TRMT6: variants seen among roughly 807,000 people sequenced by gnomAD.
The protein encoded by TRMT6 is tRNA methyltransferase 6 non-catalytic subunit, also known as tRNA (adenine(58)-N(1))-methyltransferase non-catalytic subunit TRM6.
A neutral mutation model predicts 59.0 loss-of-function variants in TRMT6; 34 were observed. That is an observed-to-expected ratio of 0.58 (90% confidence interval 0.44 to 0.77). TRMT6 has a LOEUF of 0.77. TRMT6 is among the 30% of genes least tolerant of loss of function. TRMT6 has a pLI of 0.00. For synonymous variants in TRMT6, 217 were observed against 210.5 expected (o/e 1.03, Z -0.27); for missense variants, 575 against 604.5 (o/e 0.95, Z 0.51).
In TRMT6 at chr20:5,942,670, C is replaced by T; in HGVS notation, c.784G>A (p.Val262Met). 6.2e-7 allele frequency: 1 copy of T among 1,614,056 alleles called. No homozygotes were observed. Among genetic ancestry groups the T allele is most frequent in the East Asian group, 2.2e-5 (1 of 44,872 alleles). ...SGLYEFPLNKVDSLLHGTFSA... is the reference protein window; with the variant it reads ...SGLYEFPLNKMDSLLHGTFSA... ...AATGTTCCATGTAGAAGACTGTCCACTTTGTTGAGAGGGAATTCATAAAGA... is the reference window on the plus strand; with the variant it reads ...AATGTTCCATGTAGAAGACTGTCCATTTTGTTGAGAGGGAATTCATAAAGA... The change falls in exon 7 of 11, where the codon GTG becomes ATG. Residue 262 changes from valine to methionine, a missense_variant. Transcript: ENST00000203001.
At chr20:5,945,261 T>C (rs1357304384) in intron 2 of TRMT6, among the ~76,000 whole-genome samples, 1 of 152,266 alleles carries the variant, frequency 6.6e-6, no homozygotes, top group Non-Finnish European at 1.5e-5. Context: ...GGCCCCTGCC[T>C]ATCATTCCTG....
At chr20:5,938,773 T>C (rs2088630575) in intron 10 of TRMT6, 47 bp from the exon 11 acceptor site, 1 of 1,558,596 alleles carries the variant, frequency 6.4e-7, no homozygotes, top group Non-Finnish European at 8.8e-7. Flanking sequence ...GACAATAAAG[T>C]CCATGCTAAC....
At position 5,950,519 on chromosome 20, in the gene TRMT6, GC is replaced by G; in HGVS notation, c.-115del. 3 of 1,218,242 alleles carry G rather than the reference GC, an allele frequency of 2.5e-6. No homozygotes were observed. The highest frequency in any genetic ancestry group is 2.9e-5 in the East Asian group (1 of 34,284). The allele number at this position is 1,218,242 out of a possible 1,614,324, so 75.5% of individuals were successfully genotyped here. On this transcript the variant is annotated 5_prime_UTR_variant, in exon 1 of 11. Transcript: ENST00000203001. ...CACTAGGAGCCCTCCGACCGGCACCGCCCCCACGTGTTGCACGCCGCTTCCG... is the reference window on the plus strand; with the variant it reads ...CACTAGGAGCCCTCCGACCGGCACCGCCCCACGTGTTGCACGCCGCTTCCG...
chr20:5,950,415 C>A lies in TRMT6; in HGVS notation c.-10G>T. ...CCCCTGAGCCCTCCATGACGCTCAG[C>A]CGGTCGCCGTGCTCCACGGCGTCCC... On this transcript the variant is annotated 5_prime_UTR_variant, in exon 1 of 11. Coordinates refer to ENST00000203001, the MANE Select transcript of TRMT6 (RefSeq NM_015939.5). 1 of 1,573,744 alleles carries A rather than the reference C, an allele frequency of 6.4e-7. No homozygotes were observed. Among genetic ancestry groups the A allele is most frequent in the Non-Finnish European group, 8.6e-7 (1 of 1,163,524 alleles).
rs1450579472 is a variant in TRMT6, at chr20:5,944,867, T to G, written c.304A>C (p.Lys102Gln). The change falls in exon 3 of 11, where the codon AAA (lysine) becomes CAA (glutamine). Residue 102 changes from lysine (K) to glutamine (Q), a missense_variant. Physicochemically the swap from Lys to Gln is moderately conservative, Grantham distance 53. Coordinates refer to ENST00000203001, the MANE Select transcript of TRMT6 (RefSeq NM_015939.5). Reference protein sequence around the residue: ...TDNRNIVDDGKSQKLTQDDIK... With the variant: ...TDNRNIVDDGQSQKLTQDDIK... ...TCATCTTGAGTAAGTTTCTGAGATTTCCCATCATCAACTATATTTCGATTA... is the reference window on the plus strand; with the variant it reads ...TCATCTTGAGTAAGTTTCTGAGATTGCCCATCATCAACTATATTTCGATTA... 1.2e-6 allele frequency: 2 copies of G among 1,614,020 alleles called. No homozygotes were observed. The highest frequency in any genetic ancestry group is 2.7e-5 in the African/African-American group (2 of 74,932).
intron 2 of TRMT6, 21 bp downstream of exon 2, chr20:5,946,385 T>C (rs1304726957): frequency 6.2e-7 from 1 of 1,614,004 alleles, no homozygotes; most frequent in East Asian, 2.2e-5. Context: ...AGCATCTATT[T>C]CACGCATCCA....
At position 5,942,539 on chromosome 20, in the gene TRMT6, G is replaced by A. The variant is rs1407290330; in HGVS notation, c.915C>T (p.Ser305=). 1.2e-6 allele frequency: 2 copies of A among 1,614,078 alleles called. No individual in the cohort carries two copies. The highest frequency in any genetic ancestry group is 1.7e-5 in the Admixed American group (1 of 60,022). ...GGTTGCTCTCTGGGGCCTCTGCCAT[G>A]CTGTCTTCATTCTCTTGTTCAGAAG... ...KQASEQENED[S]MAEAPESNHP... Residue 305 remains serine (S), a synonymous_variant, in exon 7 of 11, where the codon AGC becomes AGT. Coordinates refer to ENST00000203001, the MANE Select transcript of TRMT6 (RefSeq NM_015939.5).
In TRMT6 at chr20:5,941,060, T is replaced by C. The variant is rs758793508; in HGVS notation, c.1295A>G (p.Asn432Ser). 1 of 1,613,998 alleles carries C rather than the reference T, an allele frequency of 6.2e-7. No individual in the cohort carries two copies. The highest frequency in any genetic ancestry group is 1.1e-5 in the South Asian group (1 of 91,082). Residue 432 changes from asparagine to serine, a missense_variant, in exon 10 of 11, where the codon AAT becomes AGT. Transcript: ENST00000203001. The stretch of plus-strand genomic sequence containing the variant: ...GGCTGTAAGAACACGTACCTGATAA[T>C]TTCTGAGCCAGGTTTCAGACAGCCT... ...NLRLSETWLR[N>S]YQVLPDRSHP...
chr20:5,940,661 C>G (rs530485549), intron 10 of TRMT6, among the ~76,000 whole-genome samples: 25 of 152,272 alleles, frequency 1.6e-4, no homozygotes, highest in African/African-American at 6.0e-4. Flanking sequence ...CTCTGTCACC[C>G]AGGCTGGAGT....
chr20:5,942,171 GA>G (rs1458873340), intron 7 of TRMT6, 135 bp from the exon 8 acceptor site: 38 of 850,868 alleles, frequency 4.5e-5, no homozygotes, highest in Non-Finnish European at 6.5e-5. Flanking sequence ...TGTTTATAAG[GA>G]AGTTGCAAAT....
At chr20:5,947,766 C>T (rs955746721) in intron 1 of TRMT6, among the ~76,000 whole-genome samples, 1 of 152,126 alleles carries the variant, frequency 6.6e-6, no homozygotes, top group African/African-American at 2.4e-5. Flanking sequence ...CTTTGAAACA[C>T]TGGATCTGGC....
chr20:5,943,746 T>G, intron 5 of TRMT6, 63 bp from the exon 6 acceptor site: 1 of 1,566,500 alleles, frequency 6.4e-7, no homozygotes, highest in Non-Finnish European at 8.6e-7. Context: ...TTAATCATCA[T>G]TTTTCAAGTT....
chr20:5,948,090 A>T (rs1469074459), intron 1 of TRMT6, among the ~76,000 whole-genome samples: 2 of 152,170 alleles, frequency 1.3e-5, no homozygotes, highest in African/African-American at 4.8e-5. Context: ...ACTACACTCT[A>T]GCCTGGGGGA....
chr20:5,938,774 C>A, intron 10 of TRMT6, 48 bp from the exon 11 acceptor site: 2 of 1,549,514 alleles, frequency 1.3e-6, no homozygotes, highest in Non-Finnish European at 1.8e-6. Flanking sequence ...ACAATAAAGT[C>A]CATGCTAACA....
At position 5,942,886 on chromosome 20, in the gene TRMT6, A is replaced by C. The variant is rs1370067195; in HGVS notation, c.668-100T>G. The stretch of plus-strand genomic sequence containing the variant: ...CAGTAATGAGACTGAAGGTCTTTCT[A>C]TTAGTACTTTATTCAGAGGCTGAAG... On this transcript the variant is annotated intron_variant, in intron 6 of 10. Coordinates refer to ENST00000203001, the MANE Select transcript of TRMT6 (RefSeq NM_015939.5). The C allele has an allele frequency of 5.6e-6, 5 of 895,632 alleles. No individual in the cohort carries two copies. The African/African-American group carries it at 8.4e-5, about 15-fold the overall frequency. 55.5% of individuals were successfully genotyped at this position (895,632 alleles called of 1,614,324 possible).
In TRMT6 at chr20:5,941,050, T is replaced by C; in HGVS notation, c.1302+3A>G. The C allele has an allele frequency of 6.2e-7, 1 of 1,612,864 alleles. No homozygotes were observed. The highest frequency in any genetic ancestry group is 1.1e-5 in the South Asian group (1 of 91,050). Reference sequence around the variant, plus strand: ...TCTTGGGACTGGCTGTAAGAACACGTACCTGATAATTTCTGAGCCAGGTTT... The same window carrying C: ...TCTTGGGACTGGCTGTAAGAACACGCACCTGATAATTTCTGAGCCAGGTTT... On this transcript the variant is annotated splice_donor_region_variant and intron_variant, in intron 10 of 10. Transcript: ENST00000203001.
chr20:5,945,106 GC>G (rs1297372344), intron 2 of TRMT6, among the ~76,000 whole-genome samples, 192 bp from the exon 3 acceptor site: 2 of 152,070 alleles, frequency 1.3e-5, no homozygotes, highest in East Asian at 1.9e-4. Flanking sequence ...TCCCAGTCTT[GC>G]CCCCCTACTA....
chr20:5,949,802 A>C (rs1441895917), intron 1 of TRMT6, among the ~76,000 whole-genome samples: 3 of 152,138 alleles, frequency 2.0e-5, no homozygotes, highest in Non-Finnish European at 4.4e-5. Flanking sequence ...GTGGAAAAAA[A>C]GGGGGAACCT....
chr20:5,946,265 C>T (rs2088705592), intron 2 of TRMT6, 141 bp downstream of exon 2: 1 of 1,012,894 alleles, frequency 9.9e-7, no homozygotes, highest in Non-Finnish European at 1.5e-6. Flanking sequence ...TTGCTTCACT[C>T]CACTGAGCTG....
Sources: gnomAD v4.1 joint callset for allele counts (sites outside exome capture counted in the v4.1 genomes callset) on GRCh38, gnomAD v4.1.1 for gene constraint, MANE v1.5 for transcripts, NCBI Gene and HGNC (gene_info 2026-07-23, HGNC 2026-07-21) for gene names.